Variants in BRSK2 observed in about 807,000 individuals in gnomAD.
BRSK2 encodes BR serine/threonine kinase 2, also known as serine/threonine-protein kinase BRSK2.
In BRSK2, 19 loss-of-function variants were observed where a neutral mutation model predicts 83.3. That is an observed-to-expected ratio of 0.23 (90% confidence interval 0.16 to 0.33). The LOEUF (loss-of-function observed/expected upper bound fraction) is 0.33. BRSK2 is among the 10% of genes least tolerant of loss of function. The pLI is 1.00. For synonymous variants in BRSK2, 519 were observed against 435.4 expected, an observed-to-expected ratio of 1.19 and a Z score of -2.39; for missense variants, 798 against 1,042.3, an observed-to-expected ratio of 0.77 and a Z score of 3.23.
At chr11:1,410,788 A>T in intron 1 of BRSK2, 1 of 985,364 alleles carries the variant, frequency 1.0e-6, no homozygotes, top group Non-Finnish European at 1.2e-6. Context: ...AGAAGGCCAC[A>T]GGTGGCCCCC....
rs374101314 is a variant in BRSK2 at position 1,446,621 on chromosome 11, C to G, written c.1226+714C>G. Reference sequence around the variant, plus strand: ...CAGAACTCAGCAGTGATGAGCAGACCCGTGGCCGGAGGAAGGGCACCCAGC... The same window carrying G: ...CAGAACTCAGCAGTGATGAGCAGACGCGTGGCCGGAGGAAGGGCACCCAGC... On this transcript the variant is annotated intron_variant, in intron 12 of 19. Transcript: ENST00000528841. Among the ~76,000 whole-genome samples the G allele has an allele frequency of 5.9e-4, 89 of 151,894 alleles. 1 individual carries two copies. In the South Asian group the frequency reaches 0.017, roughly 29 times the overall value.
chr11:1,439,529 G>A (rs1243471672), intron 3 of BRSK2, among the ~76,000 whole-genome samples: 2 of 151,984 alleles, frequency 1.3e-5, no homozygotes, highest in African/African-American at 4.8e-5. Flanking sequence ...CCTTCTCGGA[G>A]GGGAGGGCAG....
chr11:1,444,658 C>T (rs57478593), intron 8 of BRSK2, among the ~76,000 whole-genome samples: 5,053 of 152,012 alleles, frequency 0.033, 211 homozygotes, highest in African/African-American at 0.1. Flanking sequence ...CTCCCTCCCC[C>T]TCTCCCTCCG....
In BRSK2 at chr11:1,460,854, G is replaced by A. The variant is rs1847412225; in HGVS notation, c.*131G>A. ...ACTGTTCTCAGAGCCTGGGAGGAAA[G>A]GAAAGGGGCGTTGGGGCCGGCCTGT... On this transcript the variant is annotated 3_prime_UTR_variant, in exon 20 of 20. Coordinates refer to ENST00000528841, the MANE Select transcript of BRSK2 (RefSeq NM_001256627.2). 11 of 1,557,230 alleles carry A rather than the reference G, an allele frequency of 7.1e-6. No individual in the cohort carries two copies. The highest frequency in any genetic ancestry group is 2.3e-5 in the South Asian group (2 of 85,448).
intron 3 of BRSK2, among the ~76,000 whole-genome samples, chr11:1,440,118 A>T (rs1850998555): frequency 6.6e-6 from 1 of 152,146 alleles, no homozygotes; most frequent in African/African-American, 2.4e-5. Context: ...GAGCTGGTTC[A>T]GCCTGGGTGG....
intron 1 of BRSK2, among the ~76,000 whole-genome samples, chr11:1,392,269 G>A (rs531466467): frequency 2.5e-4 from 38 of 152,346 alleles, no homozygotes; most frequent in African/African-American, 8.9e-4. Context: ...GGAGACCTCC[G>A]TGGGAGAACG....
chr11:1,417,323 C>G (rs1848194397), intron 1 of BRSK2, among the ~76,000 whole-genome samples: 1 of 152,234 alleles, frequency 6.6e-6, no homozygotes, highest in Non-Finnish European at 1.5e-5. Flanking sequence ...AGGATAGTTT[C>G]TGCTGGCTGG....
chr11:1,400,155 C>T (rs1409135333), intron 1 of BRSK2, among the ~76,000 whole-genome samples: 1 of 152,240 alleles, frequency 6.6e-6, no homozygotes, highest in Non-Finnish European at 1.5e-5. Context: ...TTTCCCAGGC[C>T]TGGGCCTCCG....
At position 1,436,062 on chromosome 11, in the gene BRSK2, C is replaced by T; in HGVS notation, c.114C>T (p.His38=). 2 of 1,606,626 alleles carry T rather than the reference C, an allele frequency of 1.2e-6. No homozygotes were observed. The highest frequency in any genetic ancestry group is 1.7e-6 in the Non-Finnish European group (2 of 1,176,756). The stretch of plus-strand genomic sequence containing the variant: ...CAGGTCTGGTGAAGCTGGGGGTTCA[C>T]TGCGTCACCTGCCAGAAGGTGGCCA... ...GQTGLVKLGV[H]CVTCQKVAIK... Residue 38 remains histidine (H), a synonymous_variant, in exon 2 of 20, where the codon CAC becomes CAT. Transcript: ENST00000528841.
At chr11:1,395,999 C>T (rs1024749162) in intron 1 of BRSK2, among the ~76,000 whole-genome samples, 4 of 152,210 alleles carry the variant, frequency 2.6e-5, no homozygotes, top group African/African-American at 4.8e-5. Flanking sequence ...CACGCAGGCC[C>T]AGCTGGAGCT....
At chr11:1,426,446 CAG>C (rs1470043865) in intron 1 of BRSK2, among the ~76,000 whole-genome samples, 1 of 152,128 alleles carries the variant, frequency 6.6e-6, no homozygotes, top group Non-Finnish European at 1.5e-5. Flanking sequence ...CCGCAGGAGA[CAG>C]AGCACGCCGG....
At chr11:1,426,210 C>T (rs1297174257) in intron 1 of BRSK2, among the ~76,000 whole-genome samples, 2 of 151,972 alleles carry the variant, frequency 1.3e-5, no homozygotes, top group South Asian at 2.1e-4. Flanking sequence ...TGGCACACAG[C>T]GGGCACTGGG....
intron 12 of BRSK2, among the ~76,000 whole-genome samples, 200 bp from the exon 13 acceptor site, chr11:1,449,576 G>T (rs1000324807): frequency 6.6e-6 from 1 of 152,292 alleles, no homozygotes; most frequent in Admixed American, 6.5e-5. Flanking sequence ...GGCTCTGATG[G>T]GGGCCCCAGT....
chr11:1,457,754 C>T (rs1564888728), intron 18 of BRSK2, among the ~76,000 whole-genome samples: 1 of 152,164 alleles, frequency 6.6e-6, no homozygotes, highest in Non-Finnish European at 1.5e-5. Flanking sequence ...CCCACTGCCC[C>T]TCCCCATGAC....
Position 1,461,849 on chromosome 11 carries a change from C to T in BRSK2, c.*1126C>T, listed in dbSNP as rs933992684. The T allele has an allele frequency of 6.6e-6, 1 of 151,920 alleles. No homozygotes were observed. The highest frequency in any genetic ancestry group is 1.5e-5 in the Non-Finnish European group (1 of 67,996). 9.4% of individuals were successfully genotyped at this position (151,920 alleles called of 1,614,324 possible). On this transcript the variant is annotated 3_prime_UTR_variant, in exon 20 of 20. Transcript: ENST00000528841. ...TTGCTCCTGCTTCTTTCTACACACACATCTAAAGACGGTGCGGCTCGCTCT... is the reference window on the plus strand; with the variant it reads ...TTGCTCCTGCTTCTTTCTACACACATATCTAAAGACGGTGCGGCTCGCTCT...
In BRSK2 at chr11:1,460,742, C is replaced by A. The variant is rs781622963; in HGVS notation, c.*19C>A. 23 of 1,414,312 alleles carry A rather than the reference C, an allele frequency of 1.6e-5. No individual in the cohort carries two copies. The highest frequency in any genetic ancestry group is 1.1e-4 in the Admixed American group (4 of 37,250). The allele number at this position is 1,414,312 out of a possible 1,614,324, so 87.6% of individuals were successfully genotyped here. A position where few individuals can be genotyped will look rare whatever the true frequency, so the allele number is the denominator to read the frequency against. On this transcript the variant is annotated 3_prime_UTR_variant, in exon 20 of 20. Transcript: ENST00000528841. ...GCCTTAGACACACTAGCCCCCCCCCCCAGCACAGCACTGACAGCGGCTGCC... is the reference window on the plus strand; with the variant it reads ...GCCTTAGACACACTAGCCCCCCCCCACAGCACAGCACTGACAGCGGCTGCC...
In BRSK2 at chr11:1,443,317, G is replaced by C. The variant is rs560515559; in HGVS notation, c.565-18G>C. ...CCTGCCCTGCGCCCCCCAACAGCCC[G>C]GGCACTGCTGTCCACAGGGGGAGAA... is the stretch of plus-strand genomic sequence containing the variant. On this transcript the variant is annotated intron_variant, in intron 6 of 19. Coordinates refer to ENST00000528841, the MANE Select transcript of BRSK2 (RefSeq NM_001256627.2). 6.2e-7 allele frequency: 1 copy of C among 1,600,966 alleles called. No individual in the cohort carries two copies. Among genetic ancestry groups the C allele is most frequent in the Non-Finnish European group, 8.5e-7 (1 of 1,175,158 alleles).
intron 9 of BRSK2, 22 bp from the exon 10 acceptor site, chr11:1,445,272 G>A (rs1851871137): frequency 3.8e-6 from 6 of 1,588,606 alleles, no homozygotes; most frequent in Middle Eastern, 1.7e-4. Flanking sequence ...TGATGAGCGG[G>A]TGGCCCGTCC....
intron 19 of BRSK2, 39 bp from the exon 20 acceptor site, chr11:1,460,461 C>CTTTTTTTTTTTTTTTTTTTTCT: frequency 1.8e-6 from 1 of 541,916 alleles, no homozygotes; most frequent in Non-Finnish European, 2.3e-6. Context: ...TTCTTTTTTC[C>CTTTTTTTTTTTTTTTTTTTTCT]TTTTTTTTTT....
Sources: gnomAD v4.1 joint callset for allele counts (sites outside exome capture counted in the v4.1 genomes callset) on GRCh38, gnomAD v4.1.1 for gene constraint, MANE v1.5 for transcripts, NCBI Gene and HGNC (gene_info 2026-07-23, HGNC 2026-07-21) for gene names.